The following RAB4B variants were observed in gnomAD, a reference collection of about 807,000 sequenced individuals.
RAB4B encodes the protein RAB4B, member RAS oncogene family.
In RAB4B, 15 loss-of-function variants were observed where a neutral mutation model predicts 28.3. The ratio of observed to expected loss-of-function variants is 0.53; its 90% CI spans 0.35 to 0.82. RAB4B has a LOEUF of 0.82. Among genes scored for constraint, RAB4B ranks in the 40% least tolerant of loss-of-function variants. The probability of loss-of-function intolerance (pLI) is 0.01; values close to 1 mark genes in which losing one functional copy is unlikely to be tolerated. For missense variants in RAB4B, 244 were observed against 288.5 expected (o/e 0.85, Z 1.12); for synonymous variants, 108 against 116.3 (o/e 0.93, Z 0.46).
Position 40,778,274 on chromosome 19 carries a change from T to A in RAB4B, c.-102T>A. ...AAGTGGCGGTGCCGGGCCCGGGGAG[T>A]AGGAAGGAGCCGGGGCTGTAGCCGG... On this transcript the variant is annotated 5_prime_UTR_variant, in exon 1 of 8. Coordinates refer to ENST00000357052, the MANE Select transcript of RAB4B (RefSeq NM_016154.5). 1 of 1,156,598 alleles carries A rather than the reference T, an allele frequency of 8.6e-7. No individual in the cohort carries two copies. The highest frequency in any genetic ancestry group is 1.2e-6 in the Non-Finnish European group (1 of 853,646). 71.6% of individuals were successfully genotyped at this position (1,156,598 alleles called of 1,614,324 possible). A position where few individuals can be genotyped will look rare whatever the true frequency, so the allele number is the denominator to read the frequency against.
chr19:40,795,547 C>A (rs1169415930), intron 7 of RAB4B, among the ~76,000 whole-genome samples: 2 of 151,382 alleles, frequency 1.3e-5, no homozygotes, highest in Non-Finnish European at 3.0e-5. Context: ...CTACAGGCAC[C>A]TACCACCACG....
intron 3 of RAB4B, among the ~76,000 whole-genome samples, chr19:40,782,502 A>C (rs2083058259): frequency 6.6e-6 from 1 of 151,582 alleles, no homozygotes; most frequent in Non-Finnish European, 1.5e-5. Flanking sequence ...ACAAACAAAC[A>C]AAAAAGACAG....
intron 7 of RAB4B, among the ~76,000 whole-genome samples, chr19:40,788,888 C>T (rs1329939572): frequency 7.1e-6 from 1 of 141,748 alleles, no homozygotes; most frequent in Non-Finnish European, 1.5e-5. Context: ...CTCCTGAGTT[C>T]AAGTTGCCTC....
intron 3 of RAB4B, among the ~76,000 whole-genome samples, chr19:40,782,673 C>T (rs1168988418): frequency 1.3e-5 from 2 of 151,116 alleles, no homozygotes; most frequent in African/African-American, 2.4e-5. Flanking sequence ...ATTAGCCGGG[C>T]GTGGTGGTGC....
At chr19:40,787,622 G>C (rs1249717864) in intron 7 of RAB4B, among the ~76,000 whole-genome samples, 1 of 151,394 alleles carries the variant, frequency 6.6e-6, no homozygotes, top group African/African-American at 2.4e-5. Flanking sequence ...GGCCCAGGGG[G>C]GTCAGGGCCA....
At chr19:40,785,132 C>T (rs373911533) in intron 5 of RAB4B, among the ~76,000 whole-genome samples, 1 of 151,638 alleles carries the variant, frequency 6.6e-6, no homozygotes. Context: ...TTTTTGAATA[C>T]AGGAGATGGG....
intron 7 of RAB4B, among the ~76,000 whole-genome samples, chr19:40,789,764 G>T (rs1356139487): frequency 6.6e-6 from 1 of 152,186 alleles, no homozygotes; most frequent in African/African-American, 2.4e-5. Context: ...CTCCCAAAGT[G>T]CTGGGATTAC....
chr19:40,783,796 T>G lies in RAB4B; in HGVS notation c.231T>G (p.Tyr77Ter), dbSNP rs1446141913. The G allele has an allele frequency of 6.3e-7, 1 of 1,579,258 alleles. No homozygotes were observed. Among genetic ancestry groups the G allele is most frequent in the South Asian group, 1.2e-5 (1 of 86,706 alleles). ...QERFRSVTRS[Y>*]YRGAAGALLV... is the part of the protein sequence containing the mutation. Reference sequence around the variant, plus strand: ...CCCACAGGTCAGTGACGCGGAGTTATTACCGAGGGGCGGCTGGAGCCCTGC... The same window carrying G: ...CCCACAGGTCAGTGACGCGGAGTTAGTACCGAGGGGCGGCTGGAGCCCTGC... Residue 77 changes from tyrosine to a stop codon, truncating the protein, a stop_gained, in exon 4 of 8, where the codon TAT becomes TAG. Coordinates refer to ENST00000357052, the MANE Select transcript of RAB4B (RefSeq NM_016154.5). LOFTEE classifies it high-confidence loss of function.
In RAB4B at chr19:40,786,776, GC is replaced by G; in HGVS notation, c.526+19del. The G allele has an allele frequency of 6.2e-7, 1 of 1,614,170 alleles. No homozygotes were observed. The highest frequency in any genetic ancestry group is 8.5e-7 in the Non-Finnish European group (1 of 1,180,012). ...ATTGACTCAGGTGAGGCCCCGACCG[GC>G]CCGAGTGGGAGCGAAGGGCAGGCCC... On this transcript the variant is annotated intron_variant, in intron 6 of 7. Coordinates refer to ENST00000357052, the MANE Select transcript of RAB4B (RefSeq NM_016154.5).
At position 40,786,655 on chromosome 19, in the gene RAB4B, G is replaced by A; in HGVS notation, c.431-10G>A. On this transcript the variant is annotated splice_polypyrimidine_tract_variant and intron_variant, in intron 5 of 7. Transcript: ENST00000357052. ...CTGGGGCCCTGACCTCAGAGTGTGT[G>A]CCCCTGCAGAGCTGATGTTCCTGGA... The A allele has an allele frequency of 1.2e-6, 2 of 1,613,916 alleles. No homozygotes were observed.
chr19:40,785,639 A>C (rs576538412), intron 5 of RAB4B: 2 of 152,298 alleles, frequency 1.3e-5, no homozygotes, highest in East Asian at 3.9e-4. Flanking sequence ...GGTTTAAAGG[A>C]GGTTTTGCCA....
intron 7 of RAB4B, among the ~76,000 whole-genome samples, chr19:40,790,500 A>C (rs2145059028): frequency 1.3e-5 from 2 of 150,102 alleles, no homozygotes; most frequent in South Asian, 4.2e-4. Context: ...CCTCCTGAGT[A>C]GCTGGGACTA....
chr19:40,783,993 C>T lies in RAB4B; in HGVS notation c.348C>T (p.Val116=). ...CCCTGGCCAGCCCCAACATCGTGGT[C>T]ATCCTCTGTGGCAACAAGAAGGACC... ...ARTLASPNIV[V]ILCGNKKDLD... Residue 116 remains valine, a synonymous_variant, in exon 5 of 8, where the codon GTC becomes GTT. Transcript: ENST00000357052. The T allele has an allele frequency of 6.2e-7, 1 of 1,614,136 alleles. No individual in the cohort carries two copies. The highest frequency in any genetic ancestry group is 1.1e-5 in the South Asian group (1 of 91,070).
rs1039995430 is a variant in RAB4B at position 40,786,593 on chromosome 19, G to A, written c.431-72G>A. ...GGAACATTGGAGGAACAGGATGAGA[G>A]TCAGCAGGTGAGAGCTCAGTGGAGG... On this transcript the variant is annotated intron_variant, in intron 5 of 7. Coordinates refer to ENST00000357052, the MANE Select transcript of RAB4B (RefSeq NM_016154.5). The A allele has an allele frequency of 4.4e-6, 7 of 1,594,044 alleles. No homozygotes were observed. In the African/African-American group the frequency reaches 9.4e-5, roughly 21 times the overall value.
chr19:40,782,356 G>A (rs1211902139), intron 3 of RAB4B, among the ~76,000 whole-genome samples: 1 of 152,060 alleles, frequency 6.6e-6, no homozygotes, highest in Non-Finnish European at 1.5e-5. Flanking sequence ...GACACAGCAG[G>A]AGAAGGATAA....
intron 3 of RAB4B, among the ~76,000 whole-genome samples, chr19:40,781,747 C>A (rs1447442334): frequency 6.6e-6 from 1 of 152,036 alleles, no homozygotes; most frequent in African/African-American, 2.4e-5. Context: ...AGAGGCCGGG[C>A]GTGGTGGCTC....
intron 7 of RAB4B, chr19:40,792,497 A>ACAAGG (rs927408204): frequency 3.9e-5 from 6 of 152,254 alleles, no homozygotes; most frequent in African/African-American, 7.2e-5. Flanking sequence ...GTGAAATGTA[A>ACAAGG]CAAGGCAAGG....
In RAB4B at chr19:40,786,646, A is replaced by T. The variant is rs1228206431; in HGVS notation, c.431-19A>T. ...GGGGACTAACTGGGGCCCTGACCTC[A>T]GAGTGTGTGCCCCTGCAGAGCTGAT... On this transcript the variant is annotated intron_variant, in intron 5 of 7. Transcript: ENST00000357052. The T allele has an allele frequency of 6.2e-7, 1 of 1,613,798 alleles. No individual in the cohort carries two copies. Among genetic ancestry groups the T allele is most frequent in the African/African-American group, 1.3e-5 (1 of 75,010 alleles).
chr19:40,778,422 G>C, intron 1 of RAB4B, 31 bp downstream of exon 1: 1 of 1,439,528 alleles, frequency 6.9e-7, no homozygotes, highest in Non-Finnish European at 9.1e-7. Context: ...TGGGGTCCTG[G>C]GTCTGGGCCC....
Sources: gnomAD v4.1 joint callset for allele counts (sites outside exome capture counted in the v4.1 genomes callset) on GRCh38, gnomAD v4.1.1 for gene constraint, MANE v1.5 for transcripts, NCBI Gene and HGNC (gene_info 2026-07-23, HGNC 2026-07-21) for gene names.